Variants in RASSF8 observed in about 807,000 individuals in gnomAD.
RASSF8 encodes the protein ras association domain-containing protein 8.
RASSF8 carries 22 observed loss-of-function variants against 48.5 expected under a neutral mutation model. The observed-to-expected ratio is 0.45, with a 90% CI of 0.32 to 0.65. The LOEUF is 0.65. Among genes scored for constraint, RASSF8 ranks in the 30% least tolerant of loss-of-function variants. The probability of loss-of-function intolerance (pLI) is 0.03; values close to 1 mark genes in which losing one functional copy is unlikely to be tolerated. For missense variants in RASSF8, 418 were observed against 489.2 expected, an observed-to-expected ratio of 0.85 and a Z score of 1.37; for synonymous variants, 127 against 171.5, an observed-to-expected ratio of 0.74 and a Z score of 2.03.
intron 2 of RASSF8, among the ~76,000 whole-genome samples, chr12:26,044,754 G>A (rs2669568): frequency 0.69 from 105,053 of 152,068 alleles, 36,369 homozygotes; most frequent in East Asian, 0.81. Context: ...CTTAGTATCT[G>A]TCTTCTCCAG....
chr12:26,065,496 C>G (rs775680490), intron 4 of RASSF8, 109 bp downstream of exon 4: 8 of 1,386,444 alleles, frequency 5.8e-6, no homozygotes, highest in Non-Finnish European at 7.8e-6. Flanking sequence ...AATTAGAAAC[C>G]CAGCCTTGTT....
intron 2 of RASSF8, among the ~76,000 whole-genome samples, chr12:26,050,049 C>T (rs1943459037): frequency 6.6e-6 from 1 of 152,182 alleles, no homozygotes; most frequent in African/African-American, 2.4e-5. Context: ...TCCCAAAGTG[C>T]TGGAATTACA....
chr12:26,065,192 G>T lies in RASSF8; in HGVS notation c.798G>T (p.Arg266=), dbSNP rs769993185. 2.5e-6 allele frequency: 4 copies of T among 1,614,198 alleles called. No homozygotes were observed. In the Admixed American group the frequency reaches 6.7e-5, roughly 27 times the overall value. Residue 266 remains arginine (R), a synonymous_variant, in exon 4 of 6, where the codon CGG becomes CGT. Transcript: ENST00000689635. ...TAAAGGACTATTTGGCACAGATCCG[G>T]ACTATGGAAAGTGGTCTTGAAGCAG... ...NKLKDYLAQI[R]TMESGLEAEK... is the part of the protein sequence containing the mutation.
chr12:26,040,858 T>C (rs998313564), intron 2 of RASSF8, among the ~76,000 whole-genome samples: 1 of 152,032 alleles, frequency 6.6e-6, no homozygotes, highest in Non-Finnish European at 1.5e-5. Flanking sequence ...TTCTTATTTT[T>C]TGTTAGTATT....
chr12:26,018,797 G>A (rs942231381), intron 2 of RASSF8, among the ~76,000 whole-genome samples: 2 of 152,182 alleles, frequency 1.3e-5, no homozygotes, highest in African/African-American at 4.8e-5. Flanking sequence ...TCTGATGTTG[G>A]CCTCTTGGCA....
At chr12:26,027,767 A>G (rs1343118220) in intron 2 of RASSF8, among the ~76,000 whole-genome samples, 2 of 152,238 alleles carry the variant, frequency 1.3e-5, no homozygotes, top group Non-Finnish European at 2.9e-5. Context: ...TGTTGAAGCC[A>G]TGAGTGTTAC....
chr12:26,052,193 A>G (rs1460422165), intron 2 of RASSF8, among the ~76,000 whole-genome samples: 3 of 152,240 alleles, frequency 2.0e-5, no homozygotes, highest in Non-Finnish European at 4.4e-5. Flanking sequence ...ATTTTTAGCA[A>G]CTAGGTAGGT....
At chr12:25,978,412 G>A (rs867441777) in intron 1 of RASSF8, among the ~76,000 whole-genome samples, 1 of 152,140 alleles carries the variant, frequency 6.6e-6, no homozygotes, top group Non-Finnish European at 1.5e-5. Context: ...ATTAATTTTT[G>A]ATATTGTGTT....
rs150554645 is a variant in RASSF8, at chr12:26,050,506, A to G, written c.-108-4730A>G. ...TTGGAAAAATATGCGTCTTGACTCA[A>G]ATCACACAAGAGGTAGTAGACTCGG... is the stretch of plus-strand genomic sequence containing the variant. On this transcript the variant is annotated intron_variant, in intron 2 of 5. Coordinates refer to ENST00000689635, the MANE Select transcript of RASSF8 (RefSeq NM_001394098.1). 2.8e-4 allele frequency among the ~76,000 whole-genome samples: 43 copies of G among 152,328 alleles called. 1 individual carries two copies. Among genetic ancestry groups the G allele is most frequent in the African/African-American group, 8.9e-4 (37 of 41,580 alleles).
chr12:25,979,274 CA>C (rs1158145189), intron 1 of RASSF8, among the ~76,000 whole-genome samples: 1 of 151,780 alleles, frequency 6.6e-6, no homozygotes, highest in Admixed American at 6.6e-5. Flanking sequence ...TGGCCCCAGG[CA>C]AGAAGAGAAG....
intron 1 of RASSF8, among the ~76,000 whole-genome samples, chr12:25,967,132 A>T (rs567413397): frequency 6.6e-6 from 1 of 152,368 alleles, no homozygotes; most frequent in East Asian, 1.9e-4. Context: ...ATTGTTAATT[A>T]TCACAGCTGG....
chr12:26,016,857 A>G (rs992610305), intron 2 of RASSF8, among the ~76,000 whole-genome samples: 1 of 152,194 alleles, frequency 6.6e-6, no homozygotes, highest in African/African-American at 2.4e-5. Context: ...TGAAAATATC[A>G]TCTGAAGTTC....
At chr12:26,010,768 G>GA (rs1424987664) in intron 2 of RASSF8, among the ~76,000 whole-genome samples, 1 of 152,070 alleles carries the variant, frequency 6.6e-6, no homozygotes, top group African/African-American at 2.4e-5. Flanking sequence ...AGAGGGCGGG[G>GA]AATGATTGAT....
intron 2 of RASSF8, among the ~76,000 whole-genome samples, chr12:26,022,356 A>T (rs1942806058): frequency 6.6e-6 from 1 of 152,250 alleles, no homozygotes; most frequent in Admixed American, 6.5e-5. Flanking sequence ...CTCAACAAAT[A>T]AAGCAACAAA....
At chr12:25,982,563 C>CA (rs1941769405) in intron 1 of RASSF8, among the ~76,000 whole-genome samples, 1 of 151,950 alleles carries the variant, frequency 6.6e-6, no homozygotes, top group Non-Finnish European at 1.5e-5. Context: ...AATAAAAGAC[C>CA]AAACATTGGC....
intron 2 of RASSF8, among the ~76,000 whole-genome samples, chr12:26,003,114 G>A (rs1565613342): frequency 6.6e-6 from 1 of 152,250 alleles, no homozygotes; most frequent in East Asian, 1.9e-4. Context: ...CTTTCCTCAT[G>A]TATGGTATGT....
At chr12:26,028,944 G>A (rs554415269) in intron 2 of RASSF8, among the ~76,000 whole-genome samples, 14 of 152,208 alleles carry the variant, frequency 9.2e-5, no homozygotes, top group Non-Finnish European at 2.1e-4. Context: ...TTTGGTGCAC[G>A]ATACTTAGGT....
chr12:25,965,300 A>G (rs770094807), intron 1 of RASSF8, among the ~76,000 whole-genome samples: 1 of 151,758 alleles, frequency 6.6e-6, no homozygotes, highest in Non-Finnish European at 1.5e-5. Flanking sequence ...CTAACTGTAC[A>G]ATTTTACAAG....
chr12:26,069,919 CAT>C lies in RASSF8; in HGVS notation c.*1104_*1105del, dbSNP rs1403500959. ...AGCAAGGATATAAAGTCAAATTCAG[CAT>C]ATGTTTTTATTTTTAGGCTTGACTT... is the stretch of plus-strand genomic sequence containing the variant. On this transcript the variant is annotated 3_prime_UTR_variant, in exon 6 of 6. Transcript: ENST00000689635. 3 of 979,650 alleles carry C rather than the reference CAT, an allele frequency of 3.1e-6. No individual in the cohort carries two copies. The highest frequency in any genetic ancestry group is 3.6e-6 in the Non-Finnish European group (3 of 824,838). The allele number at this position is 979,650 out of a possible 1,614,324, so 60.7% of individuals were successfully genotyped here. A position where few individuals can be genotyped will look rare whatever the true frequency, so the allele number is the denominator to read the frequency against.
Sources: allele counts gnomAD v4.1 joint callset (sites outside exome capture counted in the v4.1 genomes callset), GRCh38; gene constraint gnomAD v4.1.1; transcripts MANE v1.5; gene names NCBI Gene and HGNC (gene_info 2026-07-23, HGNC 2026-07-21).